Variants in MMP26 observed in about 807,000 individuals in gnomAD.
MMP26 encodes matrix metallopeptidase 26.
MMP26 carries 33 observed loss-of-function variants against 31.0 expected under a neutral mutation model. That is an observed-to-expected ratio of 1.06 (90% CI 0.81 to 1.42). MMP26 has a LOEUF of 1.42. MMP26 is among the 40% of genes most tolerant of loss of function. MMP26 has a pLI of 0.00. For missense variants in MMP26, 347 were observed against 316.1 expected (o/e 1.10, Z -0.74); for synonymous variants, 122 against 114.9 (o/e 1.06, Z -0.40).
intron 2 of MMP26, among the ~76,000 whole-genome samples, chr11:4,783,735 T>C (rs1848896981): frequency 6.6e-6 from 1 of 152,130 alleles, no homozygotes; most frequent in African/African-American, 2.4e-5. Flanking sequence ...GTAATTGAAT[T>C]ATGGGGACAG....
rs1850429644 is a variant in MMP26 at position 4,879,561 on chromosome 11, T to G, written c.-144-108507T>G. 2.0e-5 allele frequency among the ~76,000 whole-genome samples: 3 copies of G among 152,282 alleles called. No individual in the cohort carries two copies. In the South Asian group the frequency reaches 6.2e-4, roughly 32 times the overall value. Reference sequence around the variant, plus strand: ...ACCATTTCTGCAACTTGCTAACTTTTAGACAGCGAAGTTATTAAAAAATCT... The same window carrying G: ...ACCATTTCTGCAACTTGCTAACTTTGAGACAGCGAAGTTATTAAAAAATCT... On this transcript the variant is annotated intron_variant, in intron 2 of 7. Coordinates refer to ENST00000380390, the MANE Select transcript of MMP26 (RefSeq NM_021801.5).
At chr11:4,842,803 C>G (rs937475264) in intron 2 of MMP26, among the ~76,000 whole-genome samples, 11 of 152,144 alleles carry the variant, frequency 7.2e-5, no homozygotes, top group Non-Finnish European at 1.6e-4. Flanking sequence ...AGTCCAAAGT[C>G]TTACCTGAGA....
intron 2 of MMP26, among the ~76,000 whole-genome samples, chr11:4,980,630 T>G (rs1170819062): frequency 6.6e-6 from 1 of 152,110 alleles, no homozygotes; most frequent in African/African-American, 2.4e-5. Flanking sequence ...ATGCAAAAAT[T>G]CTGTGCTATT....
In MMP26 at chr11:4,955,229, G is replaced by A; in HGVS notation, c.-144-32839G>A. On this transcript the variant is annotated intron_variant, in intron 2 of 7. Coordinates refer to ENST00000380390, the MANE Select transcript of MMP26 (RefSeq NM_021801.5). The stretch of plus-strand genomic sequence containing the variant: ...ATATCTCAAGCTTCTTAAAGTGAAA[G>A]GGAAGGGAAGAACCAGGAGCATGCT... 3.1e-6 allele frequency: 4 copies of A among 1,271,764 alleles called. 1 individual carries two copies. The highest frequency in any genetic ancestry group is 3.3e-6 in the Non-Finnish European group (3 of 911,354). 78.8% of individuals were successfully genotyped at this position (1,271,764 alleles called of 1,614,324 possible). A position where few individuals can be genotyped will look rare whatever the true frequency, so the allele number is the denominator to read the frequency against.
At chr11:4,798,423 C>T (rs561455771) in intron 2 of MMP26, among the ~76,000 whole-genome samples, 6 of 152,332 alleles carry the variant, frequency 3.9e-5, no homozygotes, top group African/African-American at 1.2e-4. Context: ...GTCTAGACCA[C>T]GGGTCTACCT....
intron 1 of MMP26, chr11:4,724,224 G>T: frequency 2.1e-6 from 1 of 469,620 alleles, no homozygotes; most frequent in Non-Finnish European, 3.8e-6. Flanking sequence ...AGGTGGATGG[G>T]CCTTTGATCT....
At chr11:4,758,817 A>G (rs556284459) in intron 1 of MMP26, among the ~76,000 whole-genome samples, 2 of 152,276 alleles carry the variant, frequency 1.3e-5, no homozygotes, top group Admixed American at 1.3e-4. Context: ...CTTTTAAAAA[A>G]TGACAAAAAA....
At chr11:4,848,251 C>T in intron 2 of MMP26, 1 of 1,606,332 alleles carries the variant, frequency 6.2e-7, no homozygotes, top group Admixed American at 1.7e-5. Context: ...TGAGCACCAC[C>T]CACCTTCCTG....
At chr11:4,946,120 C>G in intron 2 of MMP26, 1 of 1,560,104 alleles carries the variant, frequency 6.4e-7, no homozygotes. Flanking sequence ...CCTTAAATAT[C>G]TTACCAGACA....
At chr11:4,910,781 C>T (rs1850978828) in intron 2 of MMP26, among the ~76,000 whole-genome samples, 1 of 151,856 alleles carries the variant, frequency 6.6e-6, no homozygotes, top group African/African-American at 2.4e-5. Context: ...AAAGAAGGGC[C>T]CAATAAATAT....
At chr11:4,803,844 CTG>C (rs769963489) in intron 2 of MMP26, 1 of 1,612,848 alleles carries the variant, frequency 6.2e-7, no homozygotes, top group Non-Finnish European at 8.5e-7. Flanking sequence ...CACAGTATGA[CTG>C]GGGAATGGCT....
intron 1 of MMP26, among the ~76,000 whole-genome samples, chr11:4,729,219 A>C (rs1222212275): frequency 6.6e-6 from 1 of 152,188 alleles, no homozygotes; most frequent in African/African-American, 2.4e-5. Context: ...TGTAAAAGTC[A>C]GAGTTTAAGC....
At chr11:4,966,036 T>A (rs967304242) in intron 2 of MMP26, among the ~76,000 whole-genome samples, 10 of 152,182 alleles carry the variant, frequency 6.6e-5, no homozygotes, top group African/African-American at 2.4e-4. Flanking sequence ...TGGTTTACAT[T>A]TTTGTATGGG....
intron 2 of MMP26, among the ~76,000 whole-genome samples, chr11:4,776,615 G>T (rs1441936524): frequency 6.6e-6 from 1 of 152,076 alleles, no homozygotes; most frequent in Non-Finnish European, 1.5e-5. Context: ...TCAAGGGAGG[G>T]GCCTGGTGGG....
chr11:4,964,768 CG>C (rs1211628782), intron 2 of MMP26, among the ~76,000 whole-genome samples: 2 of 151,992 alleles, frequency 1.3e-5, no homozygotes, highest in African/African-American at 4.8e-5. Context: ...TCCTTCGCAG[CG>C]ACAAGGATGG....
chr11:4,897,531 T>G (rs1850727293), intron 2 of MMP26, among the ~76,000 whole-genome samples: 1 of 152,242 alleles, frequency 6.6e-6, no homozygotes, highest in Non-Finnish European at 1.5e-5. Context: ...TTTGTCTTAC[T>G]TATTTTCTCC....
At position 4,743,725 on chromosome 11, in the gene MMP26, T is replaced by C. The variant is rs139168420; in HGVS notation, c.-216-23545T>C. ...GCATATGACCCCAGATTTCCCATAT[T>C]GTTTGATTCTGCTTAAATAATCACA... On this transcript the variant is annotated intron_variant, in intron 1 of 7. Transcript: ENST00000380390. Among the ~76,000 whole-genome samples, 70 of 152,352 alleles carry C rather than the reference T, an allele frequency of 4.6e-4. No homozygotes were observed. The East Asian group carries it at 0.011, about 24-fold the overall frequency.
At chr11:4,856,300 C>A (rs1850052229) in intron 2 of MMP26, among the ~76,000 whole-genome samples, 1 of 152,160 alleles carries the variant, frequency 6.6e-6, no homozygotes, top group African/African-American at 2.4e-5. Context: ...AGTCAAGACC[C>A]ATCAGTGTGC....
chr11:4,910,479 C>A (rs540741809), intron 2 of MMP26, among the ~76,000 whole-genome samples: 1 of 152,180 alleles, frequency 6.6e-6, no homozygotes, highest in Admixed American at 6.6e-5. Flanking sequence ...ACTCTGCCTA[C>A]CACAAATACA....
Sources: allele counts gnomAD v4.1 joint callset (sites outside exome capture counted in the v4.1 genomes callset), GRCh38; gene constraint gnomAD v4.1.1; transcripts MANE v1.5; gene names NCBI Gene and HGNC (gene_info 2026-07-23, HGNC 2026-07-21).